SSBP2: variants seen among roughly 807,000 people sequenced by gnomAD.
SSBP2 encodes single-stranded DNA-binding protein 2.
A neutral mutation model predicts 61.8 loss-of-function variants in SSBP2; 17 were observed. That is an observed-to-expected ratio of 0.28 (90% CI 0.19 to 0.41). SSBP2 has a LOEUF of 0.41. SSBP2 is among the 10% of genes least tolerant of loss of function. The pLI is 1.00. For synonymous variants in SSBP2, 139 were observed against 141.3 expected (o/e 0.98, Z 0.12); for missense variants, 310 against 458.7 (o/e 0.68, Z 2.96).
intron 1 of SSBP2, among the ~76,000 whole-genome samples, chr5:81,693,705 A>C (rs1031602055): frequency 1.3e-5 from 2 of 152,210 alleles, no homozygotes; most frequent in East Asian, 3.8e-4. Context: ...TGTGGAGAAA[A>C]GGGAACCCTC....
At chr5:81,702,855 T>G (rs1459269866) in intron 1 of SSBP2, among the ~76,000 whole-genome samples, 22 of 152,212 alleles carry the variant, frequency 1.4e-4, no homozygotes. Flanking sequence ...TACACTAAGT[T>G]GCCAATCAAG....
chr5:81,541,764 A>C (rs915059281), intron 4 of SSBP2, among the ~76,000 whole-genome samples: 1 of 152,240 alleles, frequency 6.6e-6, no homozygotes, highest in Non-Finnish European at 1.5e-5. Flanking sequence ...ATATACAAAA[A>C]ATAACTCAAA....
At chr5:81,673,354 A>G (rs1267339376) in intron 1 of SSBP2, among the ~76,000 whole-genome samples, 1 of 152,194 alleles carries the variant, frequency 6.6e-6, no homozygotes, top group Non-Finnish European at 1.5e-5. Flanking sequence ...TTCCTGAATT[A>G]GGATCCCAAA....
At chr5:81,720,841 G>A (rs914663820) in intron 1 of SSBP2, among the ~76,000 whole-genome samples, 8 of 152,194 alleles carry the variant, frequency 5.3e-5, no homozygotes, top group African/African-American at 1.4e-4. Context: ...TCATTTTACT[G>A]TTGAACTGTT....
intron 4 of SSBP2, among the ~76,000 whole-genome samples, chr5:81,543,677 T>C (rs562421485): frequency 1.3e-5 from 2 of 152,120 alleles, no homozygotes; most frequent in Non-Finnish European, 2.9e-5. Flanking sequence ...AAAAAAAGAA[T>C]TCCTATCACA....
At chr5:81,680,114 A>G (rs1027599574) in intron 1 of SSBP2, among the ~76,000 whole-genome samples, 3 of 151,730 alleles carry the variant, frequency 2.0e-5, no homozygotes, top group Non-Finnish European at 4.4e-5. Context: ...TTGGGCCTTT[A>G]GACTCAAACT....
At chr5:81,646,611 CTT>C (rs56787398) in intron 2 of SSBP2, among the ~76,000 whole-genome samples, 121 of 131,884 alleles carry the variant, frequency 9.2e-4, no homozygotes, top group Middle Eastern at 3.9e-3. Context: ...TTACATTCTC[CTT>C]TTTTTTTTTT....
intron 16 of SSBP2, among the ~76,000 whole-genome samples, chr5:81,421,897 T>G (rs2153886510): frequency 6.6e-6 from 1 of 152,308 alleles, no homozygotes; most frequent in South Asian, 2.1e-4. Flanking sequence ...TGTATCCACA[T>G]GTAGCTAGTG....
chr5:81,527,817 T>C (rs903928584), intron 4 of SSBP2, among the ~76,000 whole-genome samples: 2 of 150,786 alleles, frequency 1.3e-5, no homozygotes, highest in East Asian at 3.9e-4. Flanking sequence ...GATGGGTTGG[T>C]AAGTGCAGCA....
intron 4 of SSBP2, among the ~76,000 whole-genome samples, chr5:81,559,384 CA>C (rs36034616): frequency 0.042 from 4,007 of 95,940 alleles, 139 homozygotes; most frequent in African/African-American, 0.12. Context: ...GAGATTTCAT[CA>C]AAAAAAAAAA....
intron 1 of SSBP2, among the ~76,000 whole-genome samples, chr5:81,722,690 A>G (rs1365763749): frequency 6.6e-6 from 1 of 151,984 alleles, no homozygotes; most frequent in Admixed American, 6.6e-5. Context: ...TAGTAAGATT[A>G]ACCTCACATG....
intron 4 of SSBP2, among the ~76,000 whole-genome samples, chr5:81,566,823 G>A (rs1052363576): frequency 2.0e-5 from 3 of 152,212 alleles, no homozygotes; most frequent in Non-Finnish European, 4.4e-5. Context: ...TGAGGAACTT[G>A]TTGGGAACTG....
intron 3 of SSBP2, among the ~76,000 whole-genome samples, chr5:81,633,794 T>C (rs989882238): frequency 1.3e-5 from 2 of 152,210 alleles, no homozygotes; most frequent in African/African-American, 4.8e-5. Context: ...CACCAAATCC[T>C]ACCATTTCTA....
At chr5:81,591,437 GACAA>G (rs778128373) in intron 4 of SSBP2, among the ~76,000 whole-genome samples, 38 of 152,198 alleles carry the variant, frequency 2.5e-4, no homozygotes, top group Admixed American at 7.2e-4. Context: ...ACTGTCAACA[GACAA>G]ACAAATACAT....
intron 4 of SSBP2, among the ~76,000 whole-genome samples, chr5:81,539,795 G>C (rs1327012520): frequency 6.6e-6 from 1 of 152,090 alleles, no homozygotes; most frequent in Non-Finnish European, 1.5e-5. Context: ...TGCAGAACGT[G>C]CAGGTTTGTT....
At chr5:81,489,813 T>C (rs544957718) in intron 5 of SSBP2, among the ~76,000 whole-genome samples, 1 of 152,276 alleles carries the variant, frequency 6.6e-6, no homozygotes, top group East Asian at 1.9e-4. Flanking sequence ...GGGTCATCTG[T>C]AGTCAAAAAA....
At chr5:81,583,285 C>T (rs2153480513) in intron 4 of SSBP2, among the ~76,000 whole-genome samples, 1 of 152,124 alleles carries the variant, frequency 6.6e-6, no homozygotes, top group African/African-American at 2.4e-5. Context: ...CTAATTACAT[C>T]AAATAAAAAA....
At chr5:81,427,661 T>C (rs1360825347) in intron 16 of SSBP2, among the ~76,000 whole-genome samples, 2 of 152,312 alleles carry the variant, frequency 1.3e-5, no homozygotes, top group Non-Finnish European at 1.5e-5. Flanking sequence ...TGCAGTTTGG[T>C]AGGTCCTCCG....
intron 4 of SSBP2, among the ~76,000 whole-genome samples, chr5:81,590,010 A>G (rs974057949): frequency 2.0e-5 from 3 of 152,118 alleles, no homozygotes; most frequent in Non-Finnish European, 2.9e-5. Context: ...TAAGTTTCCA[A>G]CACAAACTTT....
Sources: gnomAD v4.1 joint callset for allele counts (sites outside exome capture counted in the v4.1 genomes callset) on GRCh38, gnomAD v4.1.1 for gene constraint, MANE v1.5 for transcripts, NCBI Gene and HGNC (gene_info 2026-07-23, HGNC 2026-07-21) for gene names.